LDLRAD4: variants seen among roughly 807,000 people sequenced by gnomAD.
The protein encoded by LDLRAD4 is low-density lipoprotein receptor class A domain-containing protein 4.
Under a neutral mutation model 17.0 loss-of-function variants are expected in LDLRAD4, and 5 were observed. The ratio of observed to expected loss-of-function variants is 0.29; its 90% CI spans 0.15 to 0.62. LDLRAD4 has a LOEUF of 0.62. LDLRAD4 is among the 20% of genes least tolerant of loss of function. The probability of loss-of-function intolerance (pLI) is 0.84; values close to 1 mark genes in which losing one functional copy is unlikely to be tolerated. For missense variants in LDLRAD4, 340 were observed against 424.7 expected, an observed-to-expected ratio of 0.80 and a Z score of 1.75; for synonymous variants, 168 against 171.8, an observed-to-expected ratio of 0.98 and a Z score of 0.17.
intron 3 of LDLRAD4, among the ~76,000 whole-genome samples, chr18:13,473,657 ATATATATATATATATATATAT>A (rs1568213765): frequency 3.5e-4 from 36 of 103,500 alleles, no homozygotes; most frequent in Middle Eastern, 8.7e-3. Context: ...ATATATATAT[ATATATATATATATATATATAT>A]AACGTTTACA....
chr18:13,246,530 A>T (rs1446575546), intron 1 of LDLRAD4, among the ~76,000 whole-genome samples: 1 of 152,264 alleles, frequency 6.6e-6, no homozygotes, highest in Non-Finnish European at 1.5e-5. Context: ...TGATGGGTGT[A>T]CACACACCGA....
intron 1 of LDLRAD4, among the ~76,000 whole-genome samples, chr18:13,307,945 C>T (rs1025307647): frequency 6.6e-6 from 1 of 152,182 alleles, no homozygotes; most frequent in Non-Finnish European, 1.5e-5. Context: ...TATTTAAGGG[C>T]AACTATCAGA....
At chr18:13,612,870 G>A in intron 3 of LDLRAD4, 3 of 1,411,004 alleles carry the variant, frequency 2.1e-6, no homozygotes, top group Admixed American at 2.0e-5. Context: ...CTGAGAAGAG[G>A]AGAAGCTCTT....
At chr18:13,442,115 CAAAT>C (rs1408978521) in intron 3 of LDLRAD4, among the ~76,000 whole-genome samples, 1 of 152,148 alleles carries the variant, frequency 6.6e-6, no homozygotes, top group Non-Finnish European at 1.5e-5. Context: ...GTTATTTACA[CAAAT>C]AAAATAATTA....
chr18:13,347,267 G>C (rs1049708679), intron 1 of LDLRAD4, among the ~76,000 whole-genome samples: 2 of 152,154 alleles, frequency 1.3e-5, no homozygotes, highest in Non-Finnish European at 2.9e-5. Context: ...GGCAGGCCTG[G>C]TGGTGACAAA....
chr18:13,387,860 G>T, intron 2 of LDLRAD4, 98 bp downstream of exon 3: 1 of 1,061,068 alleles, frequency 9.4e-7, no homozygotes. Context: ...TTGCAGTCAG[G>T]AGCTGAAGGC....
chr18:13,529,546 C>G (rs1267543497), intron 3 of LDLRAD4, among the ~76,000 whole-genome samples: 3 of 152,142 alleles, frequency 2.0e-5, no homozygotes, highest in African/African-American at 7.2e-5. Context: ...GAACTAGACC[C>G]AAGTAAATAA....
intron 3 of LDLRAD4, chr18:13,462,070 G>A (rs890647720): frequency 6.6e-6 from 1 of 152,172 alleles, no homozygotes; most frequent in Non-Finnish European, 1.5e-5. Context: ...GCCTCATGGG[G>A]TCACTGCTTG....
intron 3 of LDLRAD4, among the ~76,000 whole-genome samples, chr18:13,474,031 T>C (rs932335007): frequency 3.3e-5 from 5 of 152,012 alleles, no homozygotes; most frequent in Admixed American, 2.0e-4. Flanking sequence ...GGTAGTGAGT[T>C]CTCATGAGGT....
intron 4 of LDLRAD4, chr18:13,642,458 C>T: frequency 8.4e-7 from 1 of 1,193,886 alleles, no homozygotes; most frequent in Non-Finnish European, 1.0e-6. Flanking sequence ...TGTGGCTGGC[C>T]TGTCACCTTG....
chr18:13,272,280 T>C (rs892646108), intron 1 of LDLRAD4, among the ~76,000 whole-genome samples: 5 of 152,106 alleles, frequency 3.3e-5, no homozygotes, highest in Admixed American at 6.5e-5. Flanking sequence ...AGAAATCCCC[T>C]AGAGGGTTGT....
intron 1 of LDLRAD4, among the ~76,000 whole-genome samples, chr18:13,221,913 C>A (rs1003169473): frequency 6.6e-6 from 1 of 152,178 alleles, no homozygotes; most frequent in Non-Finnish European, 1.5e-5. Context: ...AATAATGCTG[C>A]ACTGTGCCAA....
In LDLRAD4 at chr18:13,371,379, G is replaced by T. The variant is rs540547864; in HGVS notation, c.-382-15962G>T. Among the ~76,000 whole-genome samples the T allele has an allele frequency of 4.6e-5, 7 of 152,282 alleles. No individual in the cohort carries two copies. The East Asian group carries it at 1.4e-3, about 29-fold the overall frequency. On this transcript the variant is annotated intron_variant, in intron 1 of 5. Transcript: ENST00000359446. Reference sequence around the variant, plus strand: ...CTGGAGCCCACCTCACAAATGTTAAGCCCTTGCCGCCGCGTTGCTGTGAAC... The same window carrying T: ...CTGGAGCCCACCTCACAAATGTTAATCCCTTGCCGCCGCGTTGCTGTGAAC...
chr18:13,350,099 A>G (rs112341618), intron 1 of LDLRAD4, among the ~76,000 whole-genome samples: 5 of 151,974 alleles, frequency 3.3e-5, no homozygotes, highest in Admixed American at 2.6e-4. Context: ...AATATACAAC[A>G]TGTGTCTTTA....
intron 1 of LDLRAD4, among the ~76,000 whole-genome samples, chr18:13,342,439 T>C (rs1437296283): frequency 6.6e-6 from 1 of 151,258 alleles, no homozygotes; most frequent in Admixed American, 6.6e-5. Flanking sequence ...ATGTTCTGTT[T>C]CTTCATGATT....
intron 1 of LDLRAD4, among the ~76,000 whole-genome samples, chr18:13,321,744 T>C (rs2143312126): frequency 6.6e-6 from 1 of 151,464 alleles, no homozygotes; most frequent in East Asian, 1.9e-4. Context: ...GCCTGTAATT[T>C]CAGCTGCTCG....
At chr18:13,429,540 G>C (rs983008701) in intron 2 of LDLRAD4, among the ~76,000 whole-genome samples, 4 of 152,362 alleles carry the variant, frequency 2.6e-5, no homozygotes, top group Non-Finnish European at 5.9e-5. Context: ...GAATAATTCA[G>C]AGCAGGCGAC....
chr18:13,522,417 C>T (rs2093966920), intron 3 of LDLRAD4: 1 of 151,640 alleles, frequency 6.6e-6, no homozygotes, highest in Non-Finnish European at 1.5e-5. Context: ...TGCTTAAGAG[C>T]ATGCCTTTTA....
intron 3 of LDLRAD4, chr18:13,611,935 C>T: frequency 6.1e-6 from 6 of 985,422 alleles, no homozygotes; most frequent in Non-Finnish European, 7.2e-6. Flanking sequence ...GGACAGCCCG[C>T]AGCCTGGCTC....
Sources: gnomAD v4.1 joint callset for allele counts (sites outside exome capture counted in the v4.1 genomes callset) on GRCh38, gnomAD v4.1.1 for gene constraint, MANE v1.5 for transcripts, NCBI Gene and HGNC (gene_info 2026-07-23, HGNC 2026-07-21) for gene names.